The following CFDP1 variants were observed in gnomAD, a reference collection of about 807,000 sequenced individuals.
CFDP1 encodes heterochromatin-stabilizing protein CFDP1.
Under a neutral mutation model 40.1 loss-of-function variants are expected in CFDP1, and 31 were observed. The observed-to-expected ratio is 0.77, with a 90% CI of 0.58 to 1.04. The LOEUF (loss-of-function observed/expected upper bound fraction) is 1.04. Ranked by LOEUF, CFDP1 falls within the 50% of genes least tolerant of loss-of-function variation. The pLI, the probability that CFDP1 is intolerant of heterozygous loss-of-function variation, is 0.00. For missense variants in CFDP1, 423 were observed against 343.4 expected (o/e 1.23, Z -1.83); for synonymous variants, 167 against 120.0 (o/e 1.39, Z -2.56).
chr16:75,426,980 G>C (rs562315920), intron 1 of CFDP1, among the ~76,000 whole-genome samples: 1 of 151,384 alleles, frequency 6.6e-6, no homozygotes, highest in Admixed American at 6.6e-5. Flanking sequence ...GCTTGAACCC[G>C]GGAGGTGGAG....
At chr16:75,331,044 GC>G (rs1380113773) in intron 5 of CFDP1, among the ~76,000 whole-genome samples, 18 of 150,988 alleles carry the variant, frequency 1.2e-4, no homozygotes, top group African/African-American at 4.4e-4. Context: ...TTATTTCACA[GC>G]TATTCAGGAC....
intron 1 of CFDP1, among the ~76,000 whole-genome samples, chr16:75,432,205 A>T (rs1367254353): frequency 6.8e-6 from 1 of 148,098 alleles, no homozygotes; most frequent in African/African-American, 2.5e-5. Context: ...CCACCGCGCC[A>T]GGAATGGAAT....
In CFDP1 at chr16:75,313,471, G is replaced by A. The variant is rs1203841158; in HGVS notation, c.651-8289C>T. Among the ~76,000 whole-genome samples, 4 of 152,134 alleles carry A rather than the reference G, an allele frequency of 2.6e-5. No homozygotes were observed. In the East Asian group the frequency reaches 7.7e-4, roughly 29 times the overall value. On this transcript the variant is annotated intron_variant, in intron 5 of 6. Coordinates refer to ENST00000283882, the MANE Select transcript of CFDP1 (RefSeq NM_006324.3). ...CAGCCTCCTGATAGCTGGGATTACA[G>A]GCGCCCACCACCACACCCAGCTAAT...
chr16:75,420,391 CT>C (rs1056597229), intron 1 of CFDP1, among the ~76,000 whole-genome samples: 61 of 152,262 alleles, frequency 4.0e-4, no homozygotes, highest in African/African-American at 1.4e-3. Context: ...GATCTAACTT[CT>C]GATTTACAGA....
intron 5 of CFDP1, among the ~76,000 whole-genome samples, chr16:75,306,744 T>C (rs2078259607): frequency 6.6e-6 from 1 of 152,022 alleles, no homozygotes; most frequent in African/African-American, 2.4e-5. Flanking sequence ...CTTGAGAGAT[T>C]TTCTCATTAG....
intron 1 of CFDP1, among the ~76,000 whole-genome samples, chr16:75,426,979 C>T (rs186542167): frequency 1.5e-3 from 231 of 151,004 alleles, no homozygotes; most frequent in East Asian, 0.015. Context: ...CGCTTGAACC[C>T]GGGAGGTGGA....
rs61344775 is a variant in CFDP1, at chr16:75,393,737, C to CAAA, written c.650+1350_650+1352dup. 3.6e-4 allele frequency among the ~76,000 whole-genome samples: 29 copies of CAAA among 80,616 alleles called. 1 individual carries two copies. The highest frequency in any genetic ancestry group is 5.2e-4 in the African/African-American group (9 of 17,202). 52.9% of individuals were successfully genotyped at this position (80,616 alleles called of 152,430 possible). On this transcript the variant is annotated intron_variant, in intron 5 of 6. Coordinates refer to ENST00000283882, the MANE Select transcript of CFDP1 (RefSeq NM_006324.3). ...TGGGCGACAGAGCGAGACTCCGTCGCAAAAAAAAAAAAAAAAAAAAAAAAA... is the reference window on the plus strand; with the variant it reads ...TGGGCGACAGAGCGAGACTCCGTCGCAAAAAAAAAAAAAAAAAAAAAAAAAAAA...
chr16:75,314,781 T>G (rs2078314078), intron 5 of CFDP1, among the ~76,000 whole-genome samples: 1 of 152,184 alleles, frequency 6.6e-6, no homozygotes, highest in African/African-American at 2.4e-5. Context: ...AGACCAAGTC[T>G]CGCTCTGTCA....
intron 1 of CFDP1, among the ~76,000 whole-genome samples, chr16:75,431,394 C>T (rs2151609592): frequency 8.0e-6 from 1 of 124,780 alleles, no homozygotes; most frequent in African/African-American, 3.0e-5. Context: ...GCAGAGCTTG[C>T]AGTGAGACGA....
intron 5 of CFDP1, among the ~76,000 whole-genome samples, chr16:75,336,053 A>G (rs1270431300): frequency 6.6e-6 from 1 of 152,188 alleles, no homozygotes; most frequent in Admixed American, 6.5e-5. Flanking sequence ...CCTCCCCCAA[A>G]TAAGTGGGGA....
At chr16:75,413,644 A>G (rs1395947914) in intron 2 of CFDP1, among the ~76,000 whole-genome samples, 1 of 151,282 alleles carries the variant, frequency 6.6e-6, no homozygotes, top group Non-Finnish European at 1.5e-5. Flanking sequence ...TTTTGACTTT[A>G]GGTGAATCAA....
At chr16:75,417,989 C>G (rs571716233) in intron 1 of CFDP1, among the ~76,000 whole-genome samples, 1 of 152,114 alleles carries the variant, frequency 6.6e-6, no homozygotes, top group Non-Finnish European at 1.5e-5. Context: ...AGCGGTGGCT[C>G]ATGTCTGTAA....
chr16:75,317,436 G>T (rs886964548), intron 5 of CFDP1, among the ~76,000 whole-genome samples: 6 of 152,218 alleles, frequency 3.9e-5, no homozygotes, highest in Non-Finnish European at 8.8e-5. Flanking sequence ...TTTCACAGCA[G>T]TGTGGGAGTA....
At chr16:75,320,432 G>A (rs1022501351) in intron 5 of CFDP1, among the ~76,000 whole-genome samples, 2 of 121,794 alleles carry the variant, frequency 1.6e-5, no homozygotes, top group Non-Finnish European at 3.5e-5. Context: ...ATTGTTTGAA[G>A]GAAAACTAGT....
At chr16:75,332,998 G>A (rs1326345085) in intron 5 of CFDP1, among the ~76,000 whole-genome samples, 3 of 151,592 alleles carry the variant, frequency 2.0e-5, no homozygotes, top group African/African-American at 7.3e-5. Flanking sequence ...AGTAGAGATG[G>A]GGTTTCACCA....
At chr16:75,384,616 T>C (rs1350269681) in intron 5 of CFDP1, among the ~76,000 whole-genome samples, 1 of 151,994 alleles carries the variant, frequency 6.6e-6, no homozygotes, top group Non-Finnish European at 1.5e-5. Flanking sequence ...CCTTCAGAAA[T>C]AACAGTATGA....
intron 5 of CFDP1, among the ~76,000 whole-genome samples, chr16:75,371,653 T>C (rs1007793055): frequency 3.9e-5 from 6 of 152,198 alleles, no homozygotes. Context: ...GAAGAATCTC[T>C]TGGTCTTTTC....
intron 5 of CFDP1, among the ~76,000 whole-genome samples, chr16:75,366,745 G>A (rs1448177711): frequency 2.6e-5 from 4 of 152,178 alleles, no homozygotes; most frequent in Non-Finnish European, 5.9e-5. Context: ...GTTGTCTGGA[G>A]GGCTCCCATC....
Position 75,376,857 on chromosome 16 carries a change from G to A in CFDP1, c.650+18233C>T, listed in dbSNP as rs181332668. Among the ~76,000 whole-genome samples, 27 of 152,294 alleles carry A rather than the reference G, an allele frequency of 1.8e-4. No individual in the cohort carries two copies. The East Asian group carries it at 2.7e-3, about 15-fold the overall frequency. On this transcript the variant is annotated intron_variant, in intron 5 of 6. Coordinates refer to ENST00000283882, the MANE Select transcript of CFDP1 (RefSeq NM_006324.3). ...CCCCTTCCCAGAGCAATGACCTGACGATCCAGAAGTTATTACCCTTTTCCT... is the reference window on the plus strand; with the variant it reads ...CCCCTTCCCAGAGCAATGACCTGACAATCCAGAAGTTATTACCCTTTTCCT...
Sources: allele counts gnomAD v4.1 joint callset (sites outside exome capture counted in the v4.1 genomes callset), GRCh38; gene constraint gnomAD v4.1.1; transcripts MANE v1.5; gene names NCBI Gene and HGNC (gene_info 2026-07-23, HGNC 2026-07-21).